Variants in PKMYT1 observed in about 807,000 individuals in gnomAD.
PKMYT1 encodes the protein membrane-associated tyrosine- and threonine-specific cdc2-inhibitory kinase.
Under a neutral mutation model 49.7 loss-of-function variants are expected in PKMYT1, and 35 were observed. That is an observed-to-expected ratio of 0.70 (90% CI 0.54 to 0.93). The LOEUF is 0.93. Ranked by LOEUF, PKMYT1 falls within the 40% of genes least tolerant of loss-of-function variation. The pLI is 0.00. For missense variants in PKMYT1, 677 were observed against 673.1 expected, an observed-to-expected ratio of 1.01 and a Z score of -0.06; for synonymous variants, 331 against 287.6, an observed-to-expected ratio of 1.15 and a Z score of -1.53.
chr16:2,973,616 T>A, intron 7 of PKMYT1: 1 of 473,208 alleles, frequency 2.1e-6, no homozygotes, highest in Non-Finnish European at 3.7e-6. Flanking sequence ...TTACAGCCTC[T>A]CACTCAAGAC....
chr16:2,974,866 G>T (rs1414923227), intron 4 of PKMYT1: 1 of 585,978 alleles, frequency 1.7e-6, no homozygotes. Flanking sequence ...TCTGTGCCCA[G>T]GGAGCCCACA....
chr16:2,977,028 G>A lies in PKMYT1; in HGVS notation c.14C>T (p.Pro5Leu), dbSNP rs747806130. The A allele has an allele frequency of 1.3e-6, 2 of 1,587,926 alleles. No homozygotes were observed. The highest frequency in any genetic ancestry group is 4.5e-5 in the East Asian group (2 of 44,264). Reference protein sequence around the residue: MLERPPALAMPMPTE... With the variant: MLERLPALAMPMPTE... ...GGGCATGGGCATGGCCAGTGCAGGA[G>A]GCCCTGGGGGCAGAGACAGAGGCTG... The change falls in exon 3 of 9, where the codon CCT becomes CTT. Residue 5 changes from proline to leucine, a missense_variant. Coordinates refer to ENST00000262300, the MANE Select transcript of PKMYT1 (RefSeq NM_004203.5).
chr16:2,974,143 C>T lies in PKMYT1; in HGVS notation c.1167G>A (p.Leu389=). The change falls in exon 7 of 9, where the codon CTG becomes CTA. Residue 389 remains leucine, a synonymous_variant. Transcript: ENST00000262300. ...GWALWQALLA[L]LCWLWHGLAH... is the part of the protein sequence containing the mutation. ...CCAGCCCATGCCAGAGCCAGCAGAG[C>T]AGGGCAAGCAGGGCCTGTGGGGGAG... 6.2e-7 allele frequency: 1 copy of T among 1,600,172 alleles called. No individual in the cohort carries two copies. Among genetic ancestry groups the T allele is most frequent in the Non-Finnish European group, 8.5e-7 (1 of 1,173,704 alleles).
intron 1 of PKMYT1, 40 bp from the exon 2 acceptor site, chr16:2,979,952 A>G (rs901645467): frequency 2.1e-6 from 1 of 484,080 alleles, no homozygotes; most frequent in Admixed American, 3.5e-5. Context: ...ACGAGGGAAG[A>G]GGGGCTGTTG....
intron 2 of PKMYT1, chr16:2,977,400 A>T: frequency 1.0e-6 from 1 of 968,292 alleles, no homozygotes; most frequent in Non-Finnish European, 1.2e-6. Flanking sequence ...CTCTTCCGAG[A>T]CTACACGGGC....
intron 2 of PKMYT1, among the ~76,000 whole-genome samples, chr16:2,978,892 C>T (rs993879622): frequency 3.3e-5 from 5 of 151,192 alleles, no homozygotes; most frequent in South Asian, 2.1e-4. Context: ...CTGCAGCCTC[C>T]GACTCCCAGG....
intron 7 of PKMYT1, 34 bp from the exon 8 acceptor site, chr16:2,973,249 C>T: frequency 1.4e-6 from 2 of 1,481,430 alleles, no homozygotes; most frequent in African/African-American, 1.4e-5. Context: ...GGAGGGTGTC[C>T]AGGGCTAGGG....
intron 4 of PKMYT1, 79 bp from the exon 5 acceptor site, chr16:2,974,735 G>T: frequency 1.1e-6 from 1 of 931,220 alleles, no homozygotes; most frequent in Non-Finnish European, 1.7e-6. Flanking sequence ...GCCTCTTGGA[G>T]GTGGGTGGGA....
intron 7 of PKMYT1, 174 bp downstream of exon 7, chr16:2,973,826 C>G: frequency 1.3e-6 from 1 of 745,146 alleles, no homozygotes; most frequent in South Asian, 1.9e-5. Context: ...AGTCCACATG[C>G]CCAGCTGCAT....
chr16:2,974,544 A>G lies in PKMYT1; in HGVS notation c.979+6T>C, dbSNP rs1269281560. ...GCAGCACCCCCTCCCGCCCTCACCT[A>G]CTCACCGGCAGTGAACTCAGGGGGC... On this transcript the variant is annotated splice_donor_region_variant and intron_variant, in intron 5 of 8. Coordinates refer to ENST00000262300, the MANE Select transcript of PKMYT1 (RefSeq NM_004203.5). 18 of 1,559,680 alleles carry G rather than the reference A, an allele frequency of 1.2e-5. No individual in the cohort carries two copies. The highest frequency in any genetic ancestry group is 1.6e-5 in the Non-Finnish European group (18 of 1,150,404).
Position 2,973,155 on chromosome 16 carries a change from C to G in PKMYT1, c.1371G>C (p.Arg457=), listed in dbSNP as rs1007865160. The stretch of plus-strand genomic sequence containing the variant: ...CTGCTTACCTGGGTGTGCACCTGCT[C>G]CGGGGGGTGGAGGTGCTCCCCACAG... The part of the protein sequence containing the change: ...ARTVGSTSTP[R]SRCTPRDALD... The change falls in exon 8 of 9, where the codon CGG becomes CGC. Residue 457 remains arginine, a synonymous_variant. Transcript: ENST00000262300. 6.5e-7 allele frequency: 1 copy of G among 1,542,152 alleles called. No homozygotes were observed.
Position 2,974,265 on chromosome 16 carries a change from G to A in PKMYT1, c.1132C>T (p.Arg378Ter), listed in dbSNP as rs1342761294. The A allele has an allele frequency of 7.0e-6, 11 of 1,570,280 alleles. No homozygotes were observed. Among genetic ancestry groups the A allele is most frequent in the South Asian group, 2.3e-5 (2 of 86,672 alleles). ...LWCMAAEALS[R>*]GWALWQALLA... ...CTTACCTGCCACAGGGCCCACCCTC[G>A]GCTCAGGGCCTCCGCTGCCATGCAC... Residue 378 changes from arginine to a stop codon, truncating the protein, a stop_gained, in exon 6 of 9, where the codon CGA (arginine) becomes TGA (stop). Transcript: ENST00000262300. LOFTEE classifies it high-confidence loss of function.
rs913438955 is a variant in PKMYT1 at position 2,973,066 on chromosome 16, T to C, written c.1389-2A>G. 1.3e-6 allele frequency: 2 copies of C among 1,597,942 alleles called. No individual in the cohort carries two copies. The highest frequency in any genetic ancestry group is 2.7e-5 in the African/African-American group (2 of 74,832). ...ATGTCACTTAGGTCCAGGGCATCCC[T>C]GGGAGGAGAGAGTAGTGACACTCAG... On this transcript the variant is annotated splice_acceptor_variant, in intron 8 of 8. Coordinates refer to ENST00000262300, the MANE Select transcript of PKMYT1 (RefSeq NM_004203.5). LOFTEE classifies it high-confidence loss of function.
chr16:2,972,965 T>G lies in PKMYT1; in HGVS notation c.1488A>C (p.Leu496=). The G allele has an allele frequency of 6.2e-7, 1 of 1,607,958 alleles. No homozygotes were observed. Among genetic ancestry groups the G allele is most frequent in the South Asian group, 1.1e-5 (1 of 89,398 alleles). The change falls in exon 9 of 9, where the codon CTA becomes CTC. Residue 496 remains leucine, a synonymous_variant. Coordinates refer to ENST00000262300, the MANE Select transcript of PKMYT1 (RefSeq NM_004203.5). ...CAGAGTCTGGGGCTCAGGTTGGGTCTAGGGTGTCCTCAAACAGGCTGAGGA... is the reference window on the plus strand; with the variant it reads ...CAGAGTCTGGGGCTCAGGTTGGGTCGAGGGTGTCCTCAAACAGGCTGAGGA... ...RNLLSLFEDT[L]DPT
At chr16:2,974,181 T>C (rs756827797) in intron 6 of PKMYT1, 24 bp from the exon 7 acceptor site, 1 of 1,582,392 alleles carries the variant, frequency 6.3e-7, no homozygotes, top group South Asian at 1.1e-5. Context: ...GAGCTCAGGA[T>C]GTGGGTGGGC....
chr16:2,979,601 T>C, intron 2 of PKMYT1, 47 bp downstream of exon 2: 1 of 1,483,204 alleles, frequency 6.7e-7, no homozygotes, highest in Non-Finnish European at 9.4e-7. Flanking sequence ...GACCTGGGCC[T>C]GTGCATCTTA....
chr16:2,978,022 G>A (rs2072245555), intron 2 of PKMYT1, among the ~76,000 whole-genome samples: 1 of 152,192 alleles, frequency 6.6e-6, no homozygotes, highest in Non-Finnish European at 1.5e-5. Context: ...GCTCCACACT[G>A]GGAGAGGGCA....
At chr16:2,977,822 C>T (rs943941900) in intron 2 of PKMYT1, among the ~76,000 whole-genome samples, 2 of 152,344 alleles carry the variant, frequency 1.3e-5, no homozygotes, top group Non-Finnish European at 2.9e-5. Flanking sequence ...AGGGTGTTTG[C>T]CCAGGAGGGC....
At position 2,973,012 on chromosome 16, in the gene PKMYT1, G is replaced by A; in HGVS notation, c.1441C>T (p.Pro481Ser). The change falls in exon 9 of 9, where the codon CCC becomes TCC. Residue 481 changes from proline (P) to serine (S), a missense_variant. Transcript: ENST00000262300. ...AGGAGGTTCCGAGGCTCAAAGGAGG[G>A]GAAGGAGCCCCGAGGAGGCTCTGAG... is the stretch of plus-strand genomic sequence containing the variant. The part of the protein sequence containing the change: ...INSEPPRGSF[P>S]SFEPRNLLSL... 1.2e-6 allele frequency: 2 copies of A among 1,610,602 alleles called. No individual in the cohort carries two copies. Among genetic ancestry groups the A allele is most frequent in the Non-Finnish European group, 1.7e-6 (2 of 1,179,224 alleles).
Sources: gnomAD v4.1 joint callset for allele counts (sites outside exome capture counted in the v4.1 genomes callset) on GRCh38, gnomAD v4.1.1 for gene constraint, MANE v1.5 for transcripts, NCBI Gene and HGNC (gene_info 2026-07-23, HGNC 2026-07-21) for gene names.